Variants in AGAP1 observed in about 807,000 individuals in gnomAD.
The protein encoded by AGAP1 is ArfGAP with GTPase domain, ankyrin repeat and PH domain 1, also known as arf-GAP with GTPase, ANK repeat and PH domain-containing protein 1.
A neutral mutation model predicts 105.3 loss-of-function variants in AGAP1; 29 were observed. The ratio of observed to expected loss-of-function variants is 0.28; its 90% CI spans 0.21 to 0.38. The LOEUF is 0.38. Among genes scored for constraint, AGAP1 ranks in the 10% least tolerant of loss-of-function variants. The pLI, the probability that AGAP1 is intolerant of heterozygous loss-of-function variation, is 1.00. For synonymous variants in AGAP1, 509 were observed against 485.9 expected, an observed-to-expected ratio of 1.05 and a Z score of -0.63; for missense variants, 998 against 1,165.1, an observed-to-expected ratio of 0.86 and a Z score of 2.09.
rs1952098116 is a variant in AGAP1, at chr2:235,733,996, T to C, written c.311-6967T>C. Among the ~76,000 whole-genome samples the C allele has an allele frequency of 6.6e-6, 1 of 152,200 alleles. No individual in the cohort carries two copies. Among genetic ancestry groups the C allele is most frequent in the Non-Finnish European group, 1.5e-5 (1 of 68,038 alleles). ...CAAAACTTTTCCAAAACCCCAACAT[T>C]AGTGACTGACTTCAGTATTTTTATC... On this transcript the variant is annotated intron_variant, in intron 3 of 17. Transcript: ENST00000304032. This position sits in a 1 kb window ranked among gnomAD's most constrained non-coding sequence, Gnocchi z 5.0.
chr2:235,732,156 A>G lies in AGAP1; in HGVS notation c.311-8807A>G, dbSNP rs1380153698. 6.6e-6 allele frequency among the ~76,000 whole-genome samples: 1 copy of G among 152,142 alleles called. No individual in the cohort carries two copies. Among genetic ancestry groups the G allele is most frequent in the Non-Finnish European group, 1.5e-5 (1 of 68,034 alleles). ...ACATTCCTTTGTCTTTTATCTTCGAATAGTCTTTGAGTTCTTTTGTTGTGG... is the reference window on the plus strand; with the variant it reads ...ACATTCCTTTGTCTTTTATCTTCGAGTAGTCTTTGAGTTCTTTTGTTGTGG... On this transcript the variant is annotated intron_variant, in intron 3 of 17. Coordinates refer to ENST00000304032, the MANE Select transcript of AGAP1 (RefSeq NM_001037131.3). This position sits in a 1 kb window ranked among gnomAD's most constrained non-coding sequence, Gnocchi z 4.8.
chr2:235,892,191 C>G lies in AGAP1; in HGVS notation c.1155+8742C>G, dbSNP rs11887303. Among the ~76,000 whole-genome samples the G allele has an allele frequency of 6.1e-3, 932 of 151,988 alleles. 9 individuals are homozygous for G. The highest frequency in any genetic ancestry group is 0.021 in the African/African-American group (887 of 41,468). ...AGTCCTTCTTAGATTCCTTTCCATT[C>G]TGCATGTGCCCACATTAAAACAGCT... On this transcript the variant is annotated intron_variant, in intron 10 of 17. Transcript: ENST00000304032.
Position 235,635,737 on chromosome 2 carries a change from G to A in AGAP1, c.164-73442G>A, listed in dbSNP as rs190213303. On this transcript the variant is annotated intron_variant, in intron 1 of 17. Coordinates refer to ENST00000304032, the MANE Select transcript of AGAP1 (RefSeq NM_001037131.3). The surrounding 1 kb of genome is among the most constrained non-coding windows in gnomAD (Gnocchi z 5.3). The stretch of plus-strand genomic sequence containing the variant: ...TGCCCGGAAGTCTGATGCGTGAGGC[G>A]GGAAGGTTAAAACTTGTTGGCTTTG... Among the ~76,000 whole-genome samples, 226 of 152,220 alleles carry A rather than the reference G, an allele frequency of 1.5e-3. 2 individuals carry two copies. The highest frequency in any genetic ancestry group is 4.5e-3 in the African/African-American group (185 of 41,542).
chr2:235,846,445 G>C (rs1012006216), intron 9 of AGAP1, among the ~76,000 whole-genome samples: 3 of 150,916 alleles, frequency 2.0e-5, no homozygotes, highest in African/African-American at 7.3e-5. Context: ...TTCTGCCTCA[G>C]CCTCCTGAGT....
intron 1 of AGAP1, among the ~76,000 whole-genome samples, chr2:235,647,054 T>C (rs1451431661): frequency 6.7e-6 from 1 of 149,338 alleles, no homozygotes. Flanking sequence ...GAGAATGGCG[T>C]GAACCTGGGA....
In AGAP1 at chr2:235,556,051, C is replaced by T. The variant is rs1943962989; in HGVS notation, c.163+61202C>T. ...GGGACATGTGAGGGAGAAACAGCAT[C>T]CTGCAGGAGAGCAATGCCTCCAGCT... On this transcript the variant is annotated intron_variant, in intron 1 of 17. Transcript: ENST00000304032. This position sits in a 1 kb window ranked among gnomAD's most constrained non-coding sequence, Gnocchi z 5.3. 6.6e-6 allele frequency among the ~76,000 whole-genome samples: 1 copy of T among 152,218 alleles called. No homozygotes were observed. Among genetic ancestry groups the T allele is most frequent in the African/African-American group, 2.4e-5 (1 of 41,462 alleles).
chr2:235,982,568 A>G lies in AGAP1; in HGVS notation c.1645+13945A>G, dbSNP rs894436708. Among the ~76,000 whole-genome samples the G allele has an allele frequency of 6.6e-6, 1 of 152,200 alleles. No homozygotes were observed. The highest frequency in any genetic ancestry group is 2.4e-5 in the African/African-American group (1 of 41,440). ...GGACTACTGAAGATAAGAATTTTCA[A>G]CCTTCCTCTTCGTTGTCTGCTCTCC... On this transcript the variant is annotated intron_variant, in intron 13 of 17. Transcript: ENST00000304032. The surrounding 1 kb of genome is among the most constrained non-coding windows in gnomAD (Gnocchi z 4.9).
intron 5 of AGAP1, among the ~76,000 whole-genome samples, chr2:235,746,323 G>A (rs1369762742): frequency 1.4e-5 from 2 of 141,910 alleles, no homozygotes; most frequent in Non-Finnish European, 3.0e-5. Context: ...TATCTTTTCA[G>A]TGTGCTAGAT....
At position 235,879,322 on chromosome 2, in the gene AGAP1, A is replaced by C. The variant is rs922370350; in HGVS notation, c.1051-4023A>C. 6.6e-6 allele frequency among the ~76,000 whole-genome samples: 1 copy of C among 152,198 alleles called. No individual in the cohort carries two copies. Among genetic ancestry groups the C allele is most frequent in the Non-Finnish European group, 1.5e-5 (1 of 68,026 alleles). On this transcript the variant is annotated intron_variant, in intron 9 of 17. Transcript: ENST00000304032. The surrounding 1 kb of genome is among the most constrained non-coding windows in gnomAD (Gnocchi z 5.0). ...GCTAGACCACAGCCATGACATGGCA[A>C]GCGGGGCAGCCAAGTGGCTCTTGGT...
chr2:236,043,283 TTGAG>T (rs1559220102), intron 15 of AGAP1, among the ~76,000 whole-genome samples: 1 of 152,206 alleles, frequency 6.6e-6, no homozygotes, highest in Admixed American at 6.5e-5. Flanking sequence ...ACCAATGGGA[TTGAG>T]TAAGGCGGGT....
rs915057747 is a variant in AGAP1, at chr2:236,114,372, A to G, written c.2115-5820A>G. Among the ~76,000 whole-genome samples, 2 of 152,252 alleles carry G rather than the reference A, an allele frequency of 1.3e-5. No individual in the cohort carries two copies. Among genetic ancestry groups the G allele is most frequent in the Admixed American group, 6.5e-5 (1 of 15,290 alleles). On this transcript the variant is annotated intron_variant, in intron 16 of 17. Transcript: ENST00000304032. This position sits in a 1 kb window ranked among gnomAD's most constrained non-coding sequence, Gnocchi z 5.0. ...GGAATAGTCTCATCGAGAAGAAGCC[A>G]TTGTCAGCGTGTCCCTTGGTCATAT...
intron 1 of AGAP1, among the ~76,000 whole-genome samples, chr2:235,606,312 G>C (rs1201314319): frequency 6.6e-6 from 1 of 152,164 alleles, no homozygotes; most frequent in Non-Finnish European, 1.5e-5. Flanking sequence ...GCTGAGAGCC[G>C]ATCATGTATC....
At chr2:235,495,795 G>C (rs1176883740) in intron 1 of AGAP1, among the ~76,000 whole-genome samples, 3 of 152,230 alleles carry the variant, frequency 2.0e-5, no homozygotes, top group Non-Finnish European at 4.4e-5. Context: ...GGTGGCATGT[G>C]CGTGGACAGT....
Position 235,575,123 on chromosome 2 carries a change from G to A in AGAP1, c.163+80274G>A, listed in dbSNP as rs536524092. On this transcript the variant is annotated intron_variant, in intron 1 of 17. Coordinates refer to ENST00000304032, the MANE Select transcript of AGAP1 (RefSeq NM_001037131.3). ...GGGTGACAGAGTGAGATCCTGTCTC[G>A]AAAAAACAAAAACAACAAACCAAAA... Among the ~76,000 whole-genome samples the A allele has an allele frequency of 2.0e-4, 25 of 127,236 alleles. No homozygotes were observed. The East Asian group carries it at 4.4e-3, about 22-fold the overall frequency. The allele number at this position is 127,236 out of a possible 152,430, so 83.5% of individuals were successfully genotyped here.
chr2:235,756,397 C>G (rs539271587), intron 6 of AGAP1, among the ~76,000 whole-genome samples: 2 of 152,220 alleles, frequency 1.3e-5, no homozygotes, highest in East Asian at 3.9e-4. Context: ...AGCTGTATGG[C>G]ATGTGGGATT....
intron 4 of AGAP1, among the ~76,000 whole-genome samples, chr2:235,743,960 A>G (rs1952737273): frequency 6.6e-6 from 1 of 152,244 alleles, no homozygotes; most frequent in Non-Finnish European, 1.5e-5. Flanking sequence ...ATGAGGTACT[A>G]GTATATGCCT....
intron 6 of AGAP1, among the ~76,000 whole-genome samples, chr2:235,778,842 A>C (rs974956835): frequency 6.6e-6 from 1 of 152,166 alleles, no homozygotes; most frequent in African/African-American, 2.4e-5. Context: ...TAGGGATGCC[A>C]GCCCGGGCAC....
Position 235,927,709 on chromosome 2 carries a change from C to T in AGAP1, c.1325-3056C>T, listed in dbSNP as rs2052522127. On this transcript the variant is annotated intron_variant, in intron 11 of 17. Transcript: ENST00000304032. The surrounding 1 kb of genome is among the most constrained non-coding windows in gnomAD (Gnocchi z 4.4). Reference sequence around the variant, plus strand: ...GTGATGGATGCACTGAAATACTGTCCTCTGCCTTTTAAAGGAAATTGTTCT... The same window carrying T: ...GTGATGGATGCACTGAAATACTGTCTTCTGCCTTTTAAAGGAAATTGTTCT... Among the ~76,000 whole-genome samples, 1 of 152,168 alleles carries T rather than the reference C, an allele frequency of 6.6e-6. No homozygotes were observed. The highest frequency in any genetic ancestry group is 3.2e-3 in the Middle Eastern group (1 of 316).
intron 1 of AGAP1, among the ~76,000 whole-genome samples, chr2:235,575,983 A>G (rs574545430): frequency 6.6e-6 from 1 of 152,244 alleles, no homozygotes; most frequent in South Asian, 2.1e-4. Flanking sequence ...CCCTCACATA[A>G]CTTCTTGGAT....
Sources: gnomAD v4.1 joint callset for allele counts (sites outside exome capture counted in the v4.1 genomes callset) on GRCh38, gnomAD v4.1.1 for gene constraint, Gnocchi (gnomAD v3.1) non-coding constraint, MANE v1.5 for transcripts, NCBI Gene and HGNC (gene_info 2026-07-23, HGNC 2026-07-21) for gene names.